Variants in VCF1 observed in about 807,000 individuals in gnomAD.
The protein encoded by VCF1 is protein VCF1.
chr17:73,214,397 T>C, the VCF1 span, among the ~76,000 whole-genome samples: 4 of 151,908 alleles, frequency 2.6e-5, no homozygotes, highest in South Asian at 8.3e-4. Flanking sequence ...CACAAATATA[T>C]TTGGTATGTA....
At chr17:73,211,186 T>C in the VCF1 span, among the ~76,000 whole-genome samples, 1 of 152,182 alleles carries the variant, frequency 6.6e-6, no homozygotes, top group Non-Finnish European at 1.5e-5. Flanking sequence ...CCAGGTGCAG[T>C]GCCTCACACT....
the VCF1 span, chr17:73,227,329 T>C: frequency 7.7e-7 from 1 of 1,298,350 alleles, no homozygotes; most frequent in South Asian, 1.4e-5. Context: ...GACACTTGAA[T>C]TGCAAACCAT....
At chr17:73,225,969 T>C in the VCF1 span, among the ~76,000 whole-genome samples, 1 of 147,608 alleles carries the variant, frequency 6.8e-6, no homozygotes, top group Non-Finnish European at 1.5e-5. Context: ...CGGCACGATC[T>C]CAGCTCACTG....
At chr17:73,213,587 C>G in the VCF1 span, among the ~76,000 whole-genome samples, 3 of 152,180 alleles carry the variant, frequency 2.0e-5, no homozygotes, top group Non-Finnish European at 4.4e-5. Flanking sequence ...TTTGGATCTT[C>G]TATTTTATTT....
chr17:73,212,755 A>G, the VCF1 span: 1 of 1,565,852 alleles, frequency 6.4e-7, no homozygotes, highest in Non-Finnish European at 8.7e-7. Context: ...AAATCAAGGC[A>G]AGAACTACAA....
At chr17:73,221,136 A>G in the VCF1 span, among the ~76,000 whole-genome samples, 1 of 151,142 alleles carries the variant, frequency 6.6e-6, no homozygotes, top group African/African-American at 2.5e-5. Flanking sequence ...TGACCTCGTG[A>G]TCTGCCCGCC....
At chr17:73,207,529 T>C in the VCF1 span, 1 of 594,148 alleles carries the variant, frequency 1.7e-6, no homozygotes, top group Non-Finnish European at 2.9e-6. Context: ...TTGAATTTAG[T>C]AGGGTGAAAG....
chr17:73,217,727 G>T, the VCF1 span, among the ~76,000 whole-genome samples: 1 of 132,654 alleles, frequency 7.5e-6, no homozygotes, highest in Non-Finnish European at 1.8e-5. Context: ...GCCGAGGCAG[G>T]TGGATTGCCT....
At chr17:73,232,066 G>A in the VCF1 span, 3 of 1,582,572 alleles carry the variant, frequency 1.9e-6, no homozygotes, top group Admixed American at 3.6e-5. Context: ...CGAATGGAAA[G>A]GGGGTCCCTT....
chr17:73,223,315 C>T, the VCF1 span, among the ~76,000 whole-genome samples: 1 of 152,178 alleles, frequency 6.6e-6, no homozygotes, highest in Admixed American at 6.5e-5. Flanking sequence ...GAAACTCCCT[C>T]TCAAAAAACA....
the VCF1 span, among the ~76,000 whole-genome samples, chr17:73,211,358 A>C: frequency 6.6e-6 from 1 of 152,066 alleles, no homozygotes; most frequent in Non-Finnish European, 1.5e-5. Context: ...CTCATGCCTC[A>C]GGAGTTTTGA....
chr17:73,216,950 C>A, the VCF1 span, among the ~76,000 whole-genome samples: 1 of 152,214 alleles, frequency 6.6e-6, no homozygotes, highest in Non-Finnish European at 1.5e-5. Context: ...CCACCTCAGA[C>A]AGAAATATTA....
chr17:73,227,575 C>T, the VCF1 span: 3 of 963,014 alleles, frequency 3.1e-6, no homozygotes, highest in African/African-American at 1.7e-5. Flanking sequence ...AAGCTTTCAA[C>T]CTCTAACCTA....
At chr17:73,229,562 T>C in the VCF1 span, 4 of 985,368 alleles carry the variant, frequency 4.1e-6, no homozygotes, top group Non-Finnish European at 4.8e-6. Context: ...AGACTCGGCA[T>C]AGAAATAATC....
chr17:73,226,285 C>A, the VCF1 span, among the ~76,000 whole-genome samples: 1 of 152,232 alleles, frequency 6.6e-6, no homozygotes, highest in Non-Finnish European at 1.5e-5. Flanking sequence ...TTCACTGTCT[C>A]TGAATGACTG....
chr17:73,225,124 G>T, the VCF1 span, among the ~76,000 whole-genome samples: 2 of 145,746 alleles, frequency 1.4e-5, no homozygotes, highest in African/African-American at 2.5e-5. Flanking sequence ...TGATCTACCA[G>T]TGAGTTCAGA....
chr17:73,208,453 A>G, the VCF1 span: 2 of 1,613,844 alleles, frequency 1.2e-6, no homozygotes, highest in Non-Finnish European at 1.7e-6. Context: ...ACTAAGTAAC[A>G]TGGCAACACA....
At chr17:73,208,575 C>G in the VCF1 span, 1 of 1,209,930 alleles carries the variant, frequency 8.3e-7, no homozygotes, top group Non-Finnish European at 1.2e-6. Flanking sequence ...ATGTGGCCCC[C>G]TAGTTACTGT....
At chr17:73,220,727 G>A in the VCF1 span, among the ~76,000 whole-genome samples, 2 of 150,868 alleles carry the variant, frequency 1.3e-5, no homozygotes, top group Non-Finnish European at 2.9e-5. Flanking sequence ...TTATAGACAT[G>A]GCCCGGCAGC....
Sources: allele counts gnomAD v4.1 joint callset (sites outside exome capture counted in the v4.1 genomes callset), GRCh38; gene constraint gnomAD v4.1.1; transcripts MANE v1.5; gene names NCBI Gene and HGNC (gene_info 2026-07-23, HGNC 2026-07-21).